The following ZCCHC17 variants were observed in gnomAD, a reference collection of about 807,000 sequenced individuals.
ZCCHC17 encodes the protein zinc finger CCHC-type containing 17.
A neutral mutation model predicts 30.6 loss-of-function variants in ZCCHC17; 18 were observed. The ratio of observed to expected loss-of-function variants is 0.59; its 90% CI spans 0.41 to 0.87. The LOEUF is 0.87. ZCCHC17 is among the 40% of genes least tolerant of loss of function. ZCCHC17 has a pLI of 0.00. For synonymous variants in ZCCHC17, 88 were observed against 92.4 expected (o/e 0.95, Z 0.27); for missense variants, 263 against 284.2 (o/e 0.93, Z 0.54).
At chr1:31,333,339 T>C (rs1638668414) in intron 3 of ZCCHC17, among the ~76,000 whole-genome samples, 1 of 152,042 alleles carries the variant, frequency 6.6e-6, no homozygotes, top group Non-Finnish European at 1.5e-5. Flanking sequence ...CTGGCCAACA[T>C]AGTGAAACCC....
intron 3 of ZCCHC17, among the ~76,000 whole-genome samples, chr1:31,324,706 T>C (rs988415638): frequency 6.6e-6 from 1 of 152,212 alleles, no homozygotes; most frequent in Non-Finnish European, 1.5e-5. Context: ...CTCTGGACTT[T>C]GGGTGCCAGT....
chr1:31,363,020 C>G (rs1639976133), intron 7 of ZCCHC17, among the ~76,000 whole-genome samples: 1 of 152,096 alleles, frequency 6.6e-6, no homozygotes, highest in Non-Finnish European at 1.5e-5. Context: ...GTAACATACA[C>G]AGTTTATATC....
At chr1:31,327,979 G>A (rs942255032) in intron 3 of ZCCHC17, among the ~76,000 whole-genome samples, 4 of 151,916 alleles carry the variant, frequency 2.6e-5, no homozygotes, top group Non-Finnish European at 4.4e-5. Flanking sequence ...ATGTACCCCC[G>A]GAATCTAAAA....
chr1:31,314,878 G>A (rs376755840), intron 2 of ZCCHC17, among the ~76,000 whole-genome samples: 2 of 152,132 alleles, frequency 1.3e-5, no homozygotes, highest in Non-Finnish European at 2.9e-5. Context: ...TGTTGACCAG[G>A]CTGGTCTCGA....
chr1:31,338,959 G>A lies in ZCCHC17; in HGVS notation c.228G>A (p.Met76Ile). 5 of 1,602,608 alleles carry A rather than the reference G, an allele frequency of 3.1e-6. No homozygotes were observed. The highest frequency in any genetic ancestry group is 1.8e-5 in the Admixed American group (1 of 56,448). ...KVWVKLIGRE[M>I]KNDRIKVSLS... ...TGACTTTTTTTGGTCTCTTTCAGAT[G>A]AAAAATGATAGAATAAAAGTATCCC... is the stretch of plus-strand genomic sequence containing the variant. Residue 76 changes from methionine (M) to isoleucine (I), a missense_variant and splice_region_variant, in exon 5 of 8, where the codon ATG (methionine) becomes ATA (isoleucine). Physicochemically the swap from Met to Ile is conservative, Grantham distance 10. Transcript: ENST00000344147.
intron 7 of ZCCHC17, among the ~76,000 whole-genome samples, chr1:31,358,240 A>C (rs1466367784): frequency 6.6e-6 from 1 of 152,054 alleles, no homozygotes; most frequent in Non-Finnish European, 1.5e-5. Flanking sequence ...ATGAAAAGAG[A>C]GTGGTAGGAG....
At chr1:31,316,734 C>G (rs1646742584) in intron 2 of ZCCHC17, among the ~76,000 whole-genome samples, 1 of 152,136 alleles carries the variant, frequency 6.6e-6, no homozygotes, top group African/African-American at 2.4e-5. Flanking sequence ...TAATTTTAAG[C>G]ATCTGTGTGA....
chr1:31,319,857 T>C (rs1220515261), intron 3 of ZCCHC17, among the ~76,000 whole-genome samples: 2 of 152,064 alleles, frequency 1.3e-5, no homozygotes, highest in Non-Finnish European at 2.9e-5. Context: ...AAGGTTTAAT[T>C]AAAGATTTTA....
intron 3 of ZCCHC17, among the ~76,000 whole-genome samples, chr1:31,328,246 G>C (rs769672948): frequency 6.6e-6 from 1 of 152,146 alleles, no homozygotes; most frequent in South Asian, 2.1e-4. Flanking sequence ...AGGCATGGTG[G>C]CTCACACATG....
intron 5 of ZCCHC17, among the ~76,000 whole-genome samples, chr1:31,341,218 T>C (rs572609334): frequency 1.5e-4 from 23 of 152,350 alleles, no homozygotes; most frequent in African/African-American, 5.3e-4. Flanking sequence ...TTTGTAAGGC[T>C]GATTATTGAC....
At position 31,336,553 on chromosome 1, in the gene ZCCHC17, G is replaced by T. The variant is rs144314514; in HGVS notation, c.125-622G>T. 4.5e-3 allele frequency among the ~76,000 whole-genome samples: 691 copies of T among 152,222 alleles called. 7 individuals are homozygous for T. The highest frequency in any genetic ancestry group is 0.016 in the African/African-American group (648 of 41,550). On this transcript the variant is annotated intron_variant, in intron 3 of 7. Transcript: ENST00000344147. Reference sequence around the variant, plus strand: ...ACAATATTTAAAAAATAGAGATGGGGTCTCGTTATGTTGACCAGGCTGGTC... The same window carrying T: ...ACAATATTTAAAAAATAGAGATGGGTTCTCGTTATGTTGACCAGGCTGGTC...
At chr1:31,359,489 G>A (rs1449102770) in intron 7 of ZCCHC17, among the ~76,000 whole-genome samples, 1 of 152,142 alleles carries the variant, frequency 6.6e-6, no homozygotes, top group Non-Finnish European at 1.5e-5. Flanking sequence ...TCACACCACT[G>A]CACTCCAGCC....
At chr1:31,358,807 C>A (rs1639747505) in intron 7 of ZCCHC17, among the ~76,000 whole-genome samples, 1 of 151,940 alleles carries the variant, frequency 6.6e-6, no homozygotes, top group Non-Finnish European at 1.5e-5. Flanking sequence ...AAGGGAGAGG[C>A]CCAGGTAAGA....
At chr1:31,346,879 A>C (rs1254888214) in intron 6 of ZCCHC17, 139 bp downstream of exon 6, 1 of 1,504,890 alleles carries the variant, frequency 6.6e-7, no homozygotes, top group African/African-American at 1.4e-5. Flanking sequence ...TTTCCACCAG[A>C]CTCACATCAG....
At chr1:31,346,024 C>T (rs1639258184) in intron 5 of ZCCHC17, among the ~76,000 whole-genome samples, 1 of 152,052 alleles carries the variant, frequency 6.6e-6, no homozygotes, top group South Asian at 2.1e-4. Flanking sequence ...AGAAATGCAA[C>T]AAAGAGATTA....
chr1:31,309,822 A>T (rs533265544), intron 1 of ZCCHC17, among the ~76,000 whole-genome samples: 32 of 152,300 alleles, frequency 2.1e-4, no homozygotes, highest in African/African-American at 7.5e-4. Context: ...AACACAACAA[A>T]ATTAGTAGCC....
rs983992973 is a variant in ZCCHC17 at position 31,349,053 on chromosome 1, T to A, written c.564+79T>A. The stretch of plus-strand genomic sequence containing the variant: ...AAATCTGAAAAGCCTCATGCAGCAG[T>A]ACACACCTGTAGTCCCAGCTACTTG... On this transcript the variant is annotated intron_variant, in intron 7 of 7. Coordinates refer to ENST00000344147, the MANE Select transcript of ZCCHC17 (RefSeq NM_016505.4). 4 of 1,469,798 alleles carry A rather than the reference T, an allele frequency of 2.7e-6. No homozygotes were observed. In the African/African-American group the frequency reaches 4.3e-5, roughly 16 times the overall value. The allele number at this position is 1,469,798 out of a possible 1,614,324, so 91.0% of individuals were successfully genotyped here.
intron 1 of ZCCHC17, among the ~76,000 whole-genome samples, chr1:31,299,893 G>A (rs562395022): frequency 6.6e-6 from 1 of 152,266 alleles, no homozygotes; most frequent in East Asian, 1.9e-4. Flanking sequence ...TGAAGAAAAA[G>A]GGGAGGGCTG....
chr1:31,329,369 T>C (rs1638488577), intron 3 of ZCCHC17, among the ~76,000 whole-genome samples: 1 of 152,208 alleles, frequency 6.6e-6, no homozygotes, highest in African/African-American at 2.4e-5. Flanking sequence ...TTTTTCCTAC[T>C]GTCTTCTGCC....
Sources: allele counts gnomAD v4.1 joint callset (sites outside exome capture counted in the v4.1 genomes callset), GRCh38; gene constraint gnomAD v4.1.1; transcripts MANE v1.5; gene names NCBI Gene and HGNC (gene_info 2026-07-23, HGNC 2026-07-21).